The following ZBBX variants were observed in gnomAD, a reference collection of about 807,000 sequenced individuals.
ZBBX encodes zinc finger B-box domain-containing protein 1.
ZBBX carries 101 observed loss-of-function variants against 108.5 expected under a neutral mutation model. That is an observed-to-expected ratio of 0.93 (90% confidence interval 0.79 to 1.10). The LOEUF is 1.10. Ranked by LOEUF, ZBBX falls within the 50% of genes least tolerant of loss-of-function variation. The probability of loss-of-function intolerance (pLI) is 0.00; values close to 1 mark genes in which losing one functional copy is unlikely to be tolerated. For missense variants in ZBBX, 1,009 were observed against 941.4 expected (o/e 1.07, Z -0.94); for synonymous variants, 356 against 323.4 (o/e 1.10, Z -1.08).
At position 167,329,684 on chromosome 3, in the gene ZBBX, C is replaced by T. The variant is rs530566055; in HGVS notation, c.688-1568G>A. Among the ~76,000 whole-genome samples the T allele has an allele frequency of 3.9e-5, 6 of 152,184 alleles. No individual in the cohort carries two copies. In the South Asian group the frequency reaches 1.2e-3, roughly 32 times the overall value. On this transcript the variant is annotated intron_variant, in intron 10 of 21. Transcript: ENST00000675490. ...CATGGGAGTCAAACAGCATTGGTGG[C>T]ATGGAACTATAAGCAGTTTGCATTG...
At chr3:167,339,509 T>C (rs1740162752) in intron 9 of ZBBX, among the ~76,000 whole-genome samples, 1 of 152,154 alleles carries the variant, frequency 6.6e-6, no homozygotes, top group Non-Finnish European at 1.5e-5. Context: ...GAAGTATGCA[T>C]TAGTGTTTTA....
At position 167,379,699 on chromosome 3, in the gene ZBBX, C is replaced by T. The variant is rs747453802; in HGVS notation, c.-193G>A. The T allele has an allele frequency of 1.2e-4, 18 of 152,132 alleles. No individual in the cohort carries two copies. The highest frequency in any genetic ancestry group is 2.2e-4 in the Non-Finnish European group (15 of 68,032). The allele number at this position is 152,132 out of a possible 1,614,324, so 9.4% of individuals were successfully genotyped here. ...TAAACTTCCACATCTTCAGATTTCT[C>T]AGGAATCGGGCACCCCGCACCATAG... is the stretch of plus-strand genomic sequence containing the variant. On this transcript the variant is annotated 5_prime_UTR_variant, in exon 2 of 22. Transcript: ENST00000675490.
At chr3:167,209,241 T>A in the ZBBX span, among the ~76,000 whole-genome samples, 4 of 152,034 alleles carry the variant, frequency 2.6e-5, no homozygotes, top group African/African-American at 9.7e-5. Flanking sequence ...TTGAGTAAAC[T>A]GAGGTGTTAG....
chr3:167,270,720 C>T (rs775699701), intron 20 of ZBBX, among the ~76,000 whole-genome samples: 1 of 152,180 alleles, frequency 6.6e-6, no homozygotes, highest in Non-Finnish European at 1.5e-5. Context: ...AAGCACACCC[C>T]ACGAAGTTAG....
At chr3:167,193,249 G>T in the ZBBX span, among the ~76,000 whole-genome samples, 1 of 152,152 alleles carries the variant, frequency 6.6e-6, no homozygotes, top group Non-Finnish European at 1.5e-5. Context: ...AACAATCAAA[G>T]TATCACATGT....
intron 8 of ZBBX, among the ~76,000 whole-genome samples, chr3:167,352,284 A>C (rs1742795331): frequency 6.6e-6 from 1 of 152,174 alleles, no homozygotes; most frequent in Non-Finnish European, 1.5e-5. Flanking sequence ...TACGCACAAT[A>C]AGATATGATA....
intron 20 of ZBBX, among the ~76,000 whole-genome samples, chr3:167,275,389 T>C (rs1388787529): frequency 6.6e-6 from 1 of 151,966 alleles, no homozygotes; most frequent in African/African-American, 2.4e-5. Flanking sequence ...CACTAGGGAG[T>C]GCCAGACAGT....
chr3:167,362,117 A>ACATATACT (rs1352392595), intron 6 of ZBBX, among the ~76,000 whole-genome samples: 4 of 152,156 alleles, frequency 2.6e-5, no homozygotes, highest in Non-Finnish European at 5.9e-5. Context: ...AAGGATACAC[A>ACATATACT]TGCTTACACA....
intron 8 of ZBBX, among the ~76,000 whole-genome samples, chr3:167,356,707 A>T (rs370815134): frequency 1.3e-5 from 2 of 152,292 alleles, no homozygotes; most frequent in East Asian, 3.9e-4. Context: ...ACCACACTGC[A>T]GGCATAATTC....
rs931965118 is a variant in ZBBX, at chr3:167,242,536, C to G, written c.2362G>C (p.Val788Leu). The change falls in exon 21 of 22, where the codon GTG becomes CTG. Residue 788 changes from valine (V) to leucine (L), a missense_variant. Physicochemically the swap from Val to Leu is conservative, Grantham distance 32 (BLOSUM62 1). Coordinates refer to ENST00000675490, the MANE Select transcript of ZBBX (RefSeq NM_001199201.2). ...ISTDFLKTSH[V>L]RGPCGVEELS... ...TCCTCAACTCCACAGGGACCCCTCA[C>G]ATGTGAGGTCTTAAGGAAATCTGTG... 15 of 1,613,156 alleles carry G rather than the reference C, an allele frequency of 9.3e-6. No individual in the cohort carries two copies. The highest frequency in any genetic ancestry group is 2.2e-5 in the South Asian group (2 of 90,942).
intron 9 of ZBBX, among the ~76,000 whole-genome samples, chr3:167,335,010 C>T (rs1739321292): frequency 6.6e-6 from 1 of 152,096 alleles, no homozygotes; most frequent in African/African-American, 2.4e-5. Context: ...TTCTCCTCTG[C>T]ATTCACGCCA....
intron 20 of ZBBX, among the ~76,000 whole-genome samples, chr3:167,254,251 A>G (rs1227538842): frequency 6.6e-6 from 1 of 152,254 alleles, no homozygotes; most frequent in South Asian, 2.1e-4. Context: ...GAACAAAAGG[A>G]GGTACAAAAG....
At chr3:167,275,562 T>A (rs949398285) in intron 20 of ZBBX, among the ~76,000 whole-genome samples, 3 of 152,182 alleles carry the variant, frequency 2.0e-5, no homozygotes, top group African/African-American at 7.2e-5. Flanking sequence ...AATACTGCGC[T>A]TTTCCAACGG....
At chr3:167,334,032 T>C in intron 9 of ZBBX, 47 bp from the exon 10 acceptor site, 1 of 1,268,452 alleles carries the variant, frequency 7.9e-7, no homozygotes, top group Non-Finnish European at 1.1e-6. Flanking sequence ...TATGTTAACC[T>C]AAATAATTTA....
rs1730915255 is a variant in ZBBX, at chr3:167,292,670, A to T, written c.1880-3687T>A. ...AAAAGCAAGAGCAAACAAATGCAAA[A>T]GCTAGCAGAAGACAAGAAATAACTA... On this transcript the variant is annotated intron_variant, in intron 18 of 21. Transcript: ENST00000675490. Among the ~76,000 whole-genome samples the T allele has an allele frequency of 2.0e-5, 3 of 152,362 alleles. No individual in the cohort carries two copies. In the South Asian group the frequency reaches 6.2e-4, roughly 32 times the overall value.
chr3:167,298,434 T>C lies in ZBBX; in HGVS notation c.1750A>G (p.Ser584Gly), dbSNP rs761598890. The C allele has an allele frequency of 2.0e-6, 3 of 1,513,770 alleles. No homozygotes were observed. Among genetic ancestry groups the C allele is most frequent in the Non-Finnish European group, 2.7e-6 (3 of 1,122,848 alleles). The allele number at this position is 1,513,770 out of a possible 1,614,324, so 93.8% of individuals were successfully genotyped here. A position where few individuals can be genotyped will look rare whatever the true frequency, so the allele number is the denominator to read the frequency against. Reference sequence around the variant, plus strand: ...TGATATTGTTTTGTTATAGGCTTACTTCTGCAGGCTATTTCTTGTAACAAC... The same window carrying C: ...TGATATTGTTTTGTTATAGGCTTACCTCTGCAGGCTATTTCTTGTAACAAC... ...SLLLQEIACRSKPITKQYQGL... is the reference protein window; with the variant it reads ...SLLLQEIACRGKPITKQYQGL... Residue 584 changes from serine (S) to glycine (G), a missense_variant, in exon 18 of 22, where the codon AGT becomes GGT. Coordinates refer to ENST00000675490, the MANE Select transcript of ZBBX (RefSeq NM_001199201.2).
chr3:167,365,949 T>G lies in ZBBX; in HGVS notation c.210A>C (p.Gly70=), dbSNP rs1560189049. Reference sequence around the variant, plus strand: ...ATTGATTGACCAATTTGCCCACTTTTCCAGATTTCCAGTAATACTCGCTTG... The same window carrying G: ...ATTGATTGACCAATTTGCCCACTTTGCCAGATTTCCAGTAATACTCGCTTG... ...RESSEYYWKS[G]KVGKLVNQSY... Residue 70 remains glycine (G), a synonymous_variant, in exon 6 of 22, where the codon GGA becomes GGC. Transcript: ENST00000675490. 2 of 1,608,488 alleles carry G rather than the reference T, an allele frequency of 1.2e-6. No homozygotes were observed. The highest frequency in any genetic ancestry group is 2.7e-5 in the African/African-American group (2 of 74,858).
At chr3:167,365,737 A>C in intron 6 of ZBBX, 149 bp downstream of exon 6, 1 of 460,704 alleles carries the variant, frequency 2.2e-6, no homozygotes, top group Admixed American at 4.1e-5. Context: ...GTTGCATATT[A>C]CCCTGCAAAA....
intron 11 of ZBBX, among the ~76,000 whole-genome samples, chr3:167,324,136 G>A (rs998604028): frequency 3.3e-5 from 5 of 152,070 alleles, no homozygotes; most frequent in Admixed American, 2.0e-4. Flanking sequence ...ATAATGGAAA[G>A]CAAACAAAAT....
Sources: gnomAD v4.1 joint callset for allele counts (sites outside exome capture counted in the v4.1 genomes callset) on GRCh38, gnomAD v4.1.1 for gene constraint, MANE v1.5 for transcripts, NCBI Gene and HGNC (gene_info 2026-07-23, HGNC 2026-07-21) for gene names.